Variants in SHISA9 observed in about 807,000 individuals in gnomAD.
SHISA9 encodes the protein protein shisa-9.
SHISA9 carries 13 observed loss-of-function variants against 38.0 expected under a neutral mutation model. That is an observed-to-expected ratio of 0.34 (90% CI 0.22 to 0.54). The LOEUF (loss-of-function observed/expected upper bound fraction) is 0.54, where lower values mean the gene tolerates loss of function less well. Ranked by LOEUF, SHISA9 falls within the 20% of genes least tolerant of loss-of-function variation. The probability of loss-of-function intolerance (pLI) is 0.91; values close to 1 mark genes in which losing one functional copy is unlikely to be tolerated. For missense variants in SHISA9, 538 were observed against 575.8 expected (o/e 0.93, Z 0.67); for synonymous variants, 275 against 242.0 (o/e 1.14, Z -1.27).
the SHISA9 span, among the ~76,000 whole-genome samples, chr16:13,290,310 G>A: frequency 6.6e-6 from 1 of 152,072 alleles, no homozygotes; most frequent in Non-Finnish European, 1.5e-5. Flanking sequence ...TGGGAATGAA[G>A]ATGCAAACAG....
At chr16:13,132,711 A>G (rs797020746) in intron 2 of SHISA9, among the ~76,000 whole-genome samples, 47 of 152,280 alleles carry the variant, frequency 3.1e-4, no homozygotes, top group African/African-American at 1.1e-3. Context: ...TGATGAAGGG[A>G]AAAATTAACA....
chr16:13,553,041 C>G, the SHISA9 span, among the ~76,000 whole-genome samples: 2 of 152,250 alleles, frequency 1.3e-5, no homozygotes, highest in South Asian at 2.1e-4. Flanking sequence ...CAGTAGCACC[C>G]TCCATCCATT....
chr16:13,494,056 G>A, the SHISA9 span, among the ~76,000 whole-genome samples: 3 of 152,160 alleles, frequency 2.0e-5, no homozygotes, highest in African/African-American at 7.2e-5. Context: ...AACCTGAGAT[G>A]CAAGATGTGA....
chr16:13,356,783 A>G, the SHISA9 span, among the ~76,000 whole-genome samples: 1 of 152,144 alleles, frequency 6.6e-6, no homozygotes, highest in African/African-American at 2.4e-5. Context: ...CTGATGTGTA[A>G]AAGAATGCCT....
chr16:12,967,575 A>G (rs2071996439), intron 2 of SHISA9, among the ~76,000 whole-genome samples: 1 of 151,864 alleles, frequency 6.6e-6, no homozygotes, highest in Admixed American at 6.6e-5. Flanking sequence ...TAATAAAAAT[A>G]AAAAATAAAT....
the SHISA9 span, among the ~76,000 whole-genome samples, chr16:13,362,454 CA>C: frequency 2.6e-5 from 4 of 151,790 alleles, no homozygotes; most frequent in African/African-American, 4.8e-5. Flanking sequence ...ACAAAACAAA[CA>C]AACAAAAAAA....
At chr16:12,940,641 C>A (rs567484516) in intron 2 of SHISA9, among the ~76,000 whole-genome samples, 6 of 152,220 alleles carry the variant, frequency 3.9e-5, no homozygotes, top group African/African-American at 1.4e-4. Flanking sequence ...GCAAGATGCA[C>A]CCTTCTACAG....
At chr16:13,473,145 C>T in the SHISA9 span, among the ~76,000 whole-genome samples, 2 of 152,106 alleles carry the variant, frequency 1.3e-5, no homozygotes, top group Non-Finnish European at 2.9e-5. Context: ...AGTTAAATTA[C>T]TTGGAAAAGT....
the SHISA9 span, among the ~76,000 whole-genome samples, chr16:13,473,389 G>T: frequency 7.5e-6 from 1 of 134,010 alleles, no homozygotes; most frequent in Non-Finnish European, 1.5e-5. Flanking sequence ...TATGTTTCAG[G>T]TGAGAAAGTA....
the SHISA9 span, among the ~76,000 whole-genome samples, chr16:13,465,981 C>T: frequency 1.3e-5 from 2 of 152,262 alleles, no homozygotes; most frequent in Non-Finnish European, 2.9e-5. Context: ...ACATGATTTG[C>T]AATCTGCCCC....
chr16:13,414,646 C>CTTTTTTTTTTT, the SHISA9 span, among the ~76,000 whole-genome samples: 16 of 136,592 alleles, frequency 1.2e-4, 1 homozygote, highest in Non-Finnish European at 1.7e-4. Context: ...TTCTTTCTTT[C>CTTTTTTTTTTT]TTTCTTTTTT....
At chr16:12,949,340 A>ACTTTGAGG (rs2071726112) in intron 2 of SHISA9, among the ~76,000 whole-genome samples, 1 of 152,214 alleles carries the variant, frequency 6.6e-6, no homozygotes, top group African/African-American at 2.4e-5. Flanking sequence ...AGTCAGCCCC[A>ACTTTGAGG]CTTTGAGGCA....
At chr16:13,353,654 A>T in the SHISA9 span, among the ~76,000 whole-genome samples, 1 of 152,152 alleles carries the variant, frequency 6.6e-6, no homozygotes. Context: ...GAGCGTCTAT[A>T]CAGGAGCTTA....
Position 12,936,897 on chromosome 16 carries a change from T to C in SHISA9, c.691+20082T>C, listed in dbSNP as rs535077652. ...CCTTGAGGTAAACGGAATCCAACCA[T>C]TGACACCCTTGACACACAGCACGGG... On this transcript the variant is annotated intron_variant, in intron 2 of 4. Coordinates refer to ENST00000558583, the MANE Select transcript of SHISA9 (RefSeq NM_001145204.3). Among the ~76,000 whole-genome samples, 10 of 152,164 alleles carry C rather than the reference T, an allele frequency of 6.6e-5. No individual in the cohort carries two copies. In the South Asian group the frequency reaches 2.1e-3, roughly 32 times the overall value.
At chr16:13,504,023 T>C in the SHISA9 span, among the ~76,000 whole-genome samples, 160 of 152,300 alleles carry the variant, frequency 1.1e-3, 4 homozygotes, top group South Asian at 0.031. Flanking sequence ...GCAAAGTAGA[T>C]ATTAAAAATC....
At chr16:13,526,206 C>G in the SHISA9 span, among the ~76,000 whole-genome samples, 1 of 152,272 alleles carries the variant, frequency 6.6e-6, no homozygotes, top group Non-Finnish European at 1.5e-5. Flanking sequence ...GTTATCAAAA[C>G]GGGTCTTCAT....
At chr16:13,218,654 G>A (rs2051193565) in intron 4 of SHISA9, among the ~76,000 whole-genome samples, 1 of 152,164 alleles carries the variant, frequency 6.6e-6, no homozygotes, top group Non-Finnish European at 1.5e-5. Context: ...GATATTGCCT[G>A]CCATGTCTCT....
At position 12,968,261 on chromosome 16, in the gene SHISA9, T is replaced by C. The variant is rs1170654702; in HGVS notation, c.691+51446T>C. ...CAGGCTACATATATCCCATATCATA[T>C]AAATCACAGTCTCAAGGCTGGGACA... On this transcript the variant is annotated intron_variant, in intron 2 of 4. Transcript: ENST00000558583. Among the ~76,000 whole-genome samples, 4 of 128,312 alleles carry C rather than the reference T, an allele frequency of 3.1e-5. No individual in the cohort carries two copies. In the East Asian group the frequency reaches 1.0e-3, roughly 32 times the overall value. 84.2% of individuals were successfully genotyped at this position (128,312 alleles called of 152,430 possible). A position where few individuals can be genotyped will look rare whatever the true frequency, so the allele number is the denominator to read the frequency against.
At chr16:13,380,404 C>G in the SHISA9 span, among the ~76,000 whole-genome samples, 1 of 152,114 alleles carries the variant, frequency 6.6e-6, no homozygotes, top group African/African-American at 2.4e-5. Context: ...ATGTACAAAG[C>G]ATTGGAAATC....
Sources: gnomAD v4.1 joint callset for allele counts (sites outside exome capture counted in the v4.1 genomes callset) on GRCh38, gnomAD v4.1.1 for gene constraint, MANE v1.5 for transcripts, NCBI Gene and HGNC (gene_info 2026-07-23, HGNC 2026-07-21) for gene names.